The following TCF4 variants were observed in gnomAD, a reference collection of about 807,000 sequenced individuals.
The protein encoded by TCF4 is SL3-3 enhancer factor 2.
In TCF4, 3 loss-of-function variants were observed where a neutral mutation model predicts 82.1. The observed-to-expected ratio is 0.04, with a 90% confidence interval of 0.02 to 0.09. The LOEUF is 0.09. Ranked by LOEUF, TCF4 falls within the 10% of genes least tolerant of loss-of-function variation. TCF4 has a pLI of 1.00. For missense variants in TCF4, 518 were observed against 852.7 expected (o/e 0.61, Z 4.89); for synonymous variants, 276 against 309.6 (o/e 0.89, Z 1.14).
At chr18:55,493,221 C>G (rs529615596) in intron 3 of TCF4, among the ~76,000 whole-genome samples, 1 of 152,106 alleles carries the variant, frequency 6.6e-6, no homozygotes, top group Non-Finnish European at 1.5e-5. Flanking sequence ...AATACCATTA[C>G]CAACTTGAAA....
intron 6 of TCF4, among the ~76,000 whole-genome samples, chr18:55,388,574 T>C (rs191063236): frequency 1.1e-3 from 166 of 152,334 alleles, no homozygotes; most frequent in Admixed American, 2.4e-3. Context: ...CTCAGCCTGG[T>C]AACTAGGTAA....
At chr18:55,507,110 G>A (rs1344993270) in intron 3 of TCF4, among the ~76,000 whole-genome samples, 5 of 152,148 alleles carry the variant, frequency 3.3e-5, no homozygotes, top group South Asian at 4.1e-4. Flanking sequence ...TGATCCGCCC[G>A]CCTTGGCCTC....
intron 3 of TCF4, among the ~76,000 whole-genome samples, chr18:55,536,007 G>A (rs1474371111): frequency 1.3e-5 from 2 of 152,114 alleles, no homozygotes; most frequent in African/African-American, 4.8e-5. Flanking sequence ...CTCAATCTGA[G>A]ATATATTTTA....
chr18:55,279,664 G>T lies in TCF4; in HGVS notation c.550-8C>A, dbSNP rs748083315. ...TGCTGATGGAGCATAGACCTGAGGA[G>T]AAAGAACCAACTGAGTTTTGCTTTT... On this transcript the variant is annotated splice_polypyrimidine_tract_variant and splice_region_variant and intron_variant, in intron 8 of 19. Transcript: ENST00000354452. The T allele has an allele frequency of 7.4e-6, 12 of 1,613,854 alleles. No individual in the cohort carries two copies. In the Admixed American group the frequency reaches 1.7e-4, roughly 22 times the overall value.
chr18:55,456,081 C>G (rs2144599210), intron 5 of TCF4, among the ~76,000 whole-genome samples: 1 of 152,348 alleles, frequency 6.6e-6, no homozygotes, highest in African/African-American at 2.4e-5. Context: ...GCCATAAACA[C>G]TCTGAAGTAA....
chr18:55,412,349 G>GC (rs1556193017), intron 5 of TCF4, among the ~76,000 whole-genome samples: 2 of 141,046 alleles, frequency 1.4e-5, no homozygotes, highest in Non-Finnish European at 1.6e-5. Flanking sequence ...AATGAAGGCT[G>GC]TTTTTTTTTT....
In TCF4 at chr18:55,580,792, A is replaced by T. The variant is rs955383341; in HGVS notation, c.145+4488T>A. Reference sequence around the variant, plus strand: ...TGTGTGTGTGTGTATAGAACTCAGGACTTTGAGCTAGACAAACCTGAGGTT... The same window carrying T: ...TGTGTGTGTGTGTATAGAACTCAGGTCTTTGAGCTAGACAAACCTGAGGTT... On this transcript the variant is annotated intron_variant, in intron 3 of 19. Coordinates refer to ENST00000354452, the MANE Select transcript of TCF4 (RefSeq NM_001083962.2). Among the ~76,000 whole-genome samples, 4 of 149,684 alleles carry T rather than the reference A, an allele frequency of 2.7e-5. No homozygotes were observed. The East Asian group carries it at 7.8e-4, about 29-fold the overall frequency.
intron 3 of TCF4, chr18:55,550,517 T>C (rs1053828664): frequency 7.2e-5 from 11 of 152,218 alleles, no homozygotes; most frequent in African/African-American, 2.4e-4. Flanking sequence ...GGTACAAATA[T>C]TTCAGTTACA....
chr18:55,451,421 C>A (rs1298427399), intron 5 of TCF4, among the ~76,000 whole-genome samples: 3 of 152,144 alleles, frequency 2.0e-5, no homozygotes, highest in Non-Finnish European at 4.4e-5. Flanking sequence ...GCCCAATGTC[C>A]CATCACCCAT....
intron 6 of TCF4, among the ~76,000 whole-genome samples, chr18:55,395,893 T>C (rs1319862029): frequency 6.6e-6 from 1 of 152,220 alleles, no homozygotes; most frequent in Non-Finnish European, 1.5e-5. Flanking sequence ...ATGCTAATTC[T>C]GAGGATGTTA....
chr18:55,579,679 C>G (rs889898171), intron 3 of TCF4, among the ~76,000 whole-genome samples: 1 of 151,948 alleles, frequency 6.6e-6, no homozygotes, highest in Admixed American at 6.6e-5. Flanking sequence ...GGGAACAGAT[C>G]TAAATAGCAT....
intron 8 of TCF4, among the ~76,000 whole-genome samples, chr18:55,311,179 G>T (rs1345512908): frequency 6.6e-6 from 1 of 151,828 alleles, no homozygotes; most frequent in Non-Finnish European, 1.5e-5. Flanking sequence ...AAAGGAAAAG[G>T]GAAATAGAAA....
chr18:55,402,124 A>G (rs547572145), intron 6 of TCF4: 1 of 985,352 alleles, frequency 1.0e-6, no homozygotes, highest in African/African-American at 1.7e-5. Context: ...TTCCAAACAA[A>G]CTGCCATGAA....
In TCF4 at chr18:55,428,003, C is replaced by T. The variant is rs186241074; in HGVS notation, c.305-24485G>A. 4.8e-3 allele frequency among the ~76,000 whole-genome samples: 736 copies of T among 152,248 alleles called. 2 individuals carry two copies. The highest frequency in any genetic ancestry group is 0.027 in the Middle Eastern group (8 of 294). On this transcript the variant is annotated intron_variant, in intron 5 of 19. Coordinates refer to ENST00000354452, the MANE Select transcript of TCF4 (RefSeq NM_001083962.2). ...AACTATAAACAATAGAGAAAAATCA[C>T]ATTAGAAGTACATAAAAGAAATACT...
chr18:55,304,481 G>A (rs535419418), intron 8 of TCF4, among the ~76,000 whole-genome samples: 1 of 152,178 alleles, frequency 6.6e-6, no homozygotes, highest in Admixed American at 6.5e-5. Flanking sequence ...AACCACTATA[G>A]ACTGAGGAGA....
intron 3 of TCF4, among the ~76,000 whole-genome samples, chr18:55,517,231 TA>T: frequency 6.6e-6 from 1 of 152,300 alleles, no homozygotes; most frequent in South Asian, 2.1e-4. Context: ...AGCAGAGACT[TA>T]AAAAGTGCTT....
At chr18:55,342,945 T>C (rs1461215303) in intron 8 of TCF4, among the ~76,000 whole-genome samples, 1 of 152,098 alleles carries the variant, frequency 6.6e-6, no homozygotes, top group Non-Finnish European at 1.5e-5. Flanking sequence ...TGAAAGACAT[T>C]ACAATATTAT....
At chr18:55,298,151 C>A (rs541279646) in intron 8 of TCF4, among the ~76,000 whole-genome samples, 8 of 152,254 alleles carry the variant, frequency 5.3e-5, no homozygotes, top group African/African-American at 1.9e-4. Context: ...CTATCTCATG[C>A]CTCTGAAGTG....
intron 3 of TCF4, among the ~76,000 whole-genome samples, chr18:55,522,230 C>G (rs1003792943): frequency 5.3e-5 from 8 of 152,138 alleles, no homozygotes; most frequent in African/African-American, 1.9e-4. Flanking sequence ...GACATGGAGA[C>G]CAGCATACCT....
Sources: gnomAD v4.1 joint callset for allele counts (sites outside exome capture counted in the v4.1 genomes callset) on GRCh38, gnomAD v4.1.1 for gene constraint, MANE v1.5 for transcripts, NCBI Gene and HGNC (gene_info 2026-07-23, HGNC 2026-07-21) for gene names.